The following SLC6A4 variants were observed in gnomAD, a reference collection of about 807,000 sequenced individuals.
SLC6A4 encodes solute carrier family 6 member 4.
SLC6A4 carries 22 observed loss-of-function variants against 73.4 expected under a neutral mutation model. That is an observed-to-expected ratio of 0.30 (90% confidence interval 0.21 to 0.43). The LOEUF (loss-of-function observed/expected upper bound fraction) is 0.43, where lower values mean the gene tolerates loss of function less well. Ranked by LOEUF, SLC6A4 falls within the 20% of genes least tolerant of loss-of-function variation. The probability of loss-of-function intolerance (pLI) is 1.00; values close to 1 mark genes in which losing one functional copy is unlikely to be tolerated. For synonymous variants in SLC6A4, 270 were observed against 315.5 expected (o/e 0.86, Z 1.53); for missense variants, 593 against 808.5 (o/e 0.73, Z 3.23).
At chr17:30,229,420 A>G (rs1907020567) in intron 1 of SLC6A4, among the ~76,000 whole-genome samples, 2 of 152,194 alleles carry the variant, frequency 1.3e-5, no homozygotes, top group African/African-American at 2.4e-5. Flanking sequence ...GCTGACAATG[A>G]GACTGATTCG....
intron 14 of SLC6A4, among the ~76,000 whole-genome samples, chr17:30,200,841 C>T (rs571862359): frequency 6.7e-4 from 102 of 152,136 alleles, no homozygotes; most frequent in African/African-American, 2.3e-3. Flanking sequence ...TGCAGTGGCT[C>T]GATGATCTCA....
rs1290163094 is a variant in SLC6A4 at position 30,216,232 on chromosome 17, G to A, written c.838-16C>T. The A allele has an allele frequency of 2.7e-6, 3 of 1,122,020 alleles. No homozygotes were observed. Among genetic ancestry groups the A allele is most frequent in the Admixed American group, 2.0e-5 (1 of 49,340 alleles). The allele number at this position is 1,122,020 out of a possible 1,614,324, so 69.5% of individuals were successfully genotyped here. A position where few individuals can be genotyped will look rare whatever the true frequency, so the allele number is the denominator to read the frequency against. ...CCCACACCACCTGTAAGGAAGAAGG[G>A]TTATCACCATGCTGTTCCAGGGAGG... On this transcript the variant is annotated splice_polypyrimidine_tract_variant and intron_variant, in intron 6 of 14. Coordinates refer to ENST00000650711, the MANE Select transcript of SLC6A4 (RefSeq NM_001045.6).
intron 4 of SLC6A4, 64 bp downstream of exon 4, chr17:30,218,733 C>T (rs753377967): frequency 9.6e-5 from 151 of 1,573,800 alleles, no homozygotes; most frequent in Admixed American, 1.7e-4. Flanking sequence ...CCAGCTCCCA[C>T]CCACTGATGG....
At chr17:30,215,400 C>T (rs1906539737) in intron 8 of SLC6A4, among the ~76,000 whole-genome samples, 1 of 152,086 alleles carries the variant, frequency 6.6e-6, no homozygotes, top group South Asian at 2.1e-4. Flanking sequence ...GGGCCCCTCT[C>T]AGCCTGAGTG....
In SLC6A4 at chr17:30,217,309, G is replaced by A; in HGVS notation, c.699-5C>T. On this transcript the variant is annotated splice_region_variant and splice_polypyrimidine_tract_variant and intron_variant, in intron 5 of 14. Coordinates refer to ENST00000650711, the MANE Select transcript of SLC6A4 (RefSeq NM_001045.6). ...TGGATCTGCAGGACGTGGCGCCTGG[G>A]GTGAAGGAGAAAGAAAGGCCCCTGA... 6.2e-7 allele frequency: 1 copy of A among 1,612,708 alleles called. No homozygotes were observed. The highest frequency in any genetic ancestry group is 1.1e-5 in the South Asian group (1 of 90,864).
At position 30,198,311 on chromosome 17, in the gene SLC6A4, C is replaced by CA. The variant is rs1905926079; in HGVS notation, c.*144dup. On this transcript the variant is annotated 3_prime_UTR_variant, in exon 15 of 15. Transcript: ENST00000650711. ...AGTGGCTGGAGGCCTTGAGTCTGGG[C>CA]ACCAGACTGTGTCCCTGTGGAGAAG... 2 of 569,128 alleles carry CA rather than the reference C, an allele frequency of 3.5e-6. No homozygotes were observed. The highest frequency in any genetic ancestry group is 3.8e-5 in the African/African-American group (2 of 52,162). 35.3% of individuals were successfully genotyped at this position (569,128 alleles called of 1,614,324 possible). A position where few individuals can be genotyped will look rare whatever the true frequency, so the allele number is the denominator to read the frequency against.
intron 1 of SLC6A4, among the ~76,000 whole-genome samples, chr17:30,233,747 G>A (rs201691046): frequency 6.6e-6 from 1 of 152,062 alleles, no homozygotes; most frequent in African/African-American, 2.4e-5. Flanking sequence ...TTTTGCTCTG[G>A]CTGTCCAGAC....
Position 30,218,841 on chromosome 17 carries a change from T to C in SLC6A4, c.434A>G (p.Asn145Ser), listed in dbSNP as rs770637680. 6.2e-7 allele frequency: 1 copy of C among 1,613,944 alleles called. No individual in the cohort carries two copies. Among genetic ancestry groups the C allele is most frequent in the East Asian group, 2.2e-5 (1 of 44,890 alleles). Residue 145 changes from asparagine (N) to serine (S), a missense_variant, in exon 4 of 15, where the codon AAT (asparagine) becomes AGT (serine). Physicochemically the swap from Asn to Ser is conservative, Grantham distance 46. Coordinates refer to ENST00000650711, the MANE Select transcript of SLC6A4 (RefSeq NM_001045.6). The part of the protein sequence containing the change: ...MELALGQYHR[N>S]GCISIWRKIC... Reference sequence around the variant, plus strand: ...TTTCCTCCATATTGAAATGCATCCATTTCGGTGGTACTGTCCCAGTGCGAG... The same window carrying C: ...TTTCCTCCATATTGAAATGCATCCACTTCGGTGGTACTGTCCCAGTGCGAG...
At position 30,210,563 on chromosome 17, in the gene SLC6A4, G is replaced by A. The variant is rs758767475; in HGVS notation, c.1401C>T (p.Leu467=). The change falls in exon 11 of 15, where the codon CTC becomes CTT. Residue 467 remains leucine, a synonymous_variant. Coordinates refer to ENST00000650711, the MANE Select transcript of SLC6A4 (RefSeq NM_001045.6). ...VWAKRRERFV[L]AVVITCFFGS... Reference sequence around the variant, plus strand: ...CAAAGAAGCAGGTGATGACCACGGCGAGCACGAACCGCTCCCGGCGCTTGG... The same window carrying A: ...CAAAGAAGCAGGTGATGACCACGGCAAGCACGAACCGCTCCCGGCGCTTGG... 51 of 1,613,788 alleles carry A rather than the reference G, an allele frequency of 3.2e-5. No homozygotes were observed. The highest frequency in any genetic ancestry group is 1.6e-4 in the Middle Eastern group (1 of 6,078).
intron 13 of SLC6A4, among the ~76,000 whole-genome samples, chr17:30,205,778 G>A (rs1906174634): frequency 6.6e-6 from 1 of 152,196 alleles, no homozygotes; most frequent in Non-Finnish European, 1.5e-5. Flanking sequence ...GACACATGCA[G>A]TGTCACAGAG....
chr17:30,200,287 G>A (rs1905992871), intron 14 of SLC6A4, among the ~76,000 whole-genome samples: 1 of 152,250 alleles, frequency 6.6e-6, no homozygotes, highest in African/African-American at 2.4e-5. Context: ...CTAGTTGCCA[G>A]GCTACCGTTG....
rs1439280324 is a variant in SLC6A4, at chr17:30,217,241, C to G, written c.762G>C (p.Gln254His). The change falls in exon 6 of 15, where the codon CAG becomes CAC. Residue 254 changes from glutamine (Q) to histidine (H), a missense_variant. Gln to His is a conservative substitution (Grantham distance 24). Coordinates refer to ENST00000650711, the MANE Select transcript of SLC6A4 (RefSeq NM_001045.6). The part of the protein sequence containing the change: ...GLQDLGGISW[Q>H]LALCIMLIFT... ...AGATCAGCATGATGCAGAGGGCCAG[C>G]TGCCAGCTGATGCCCCCCAGGTCCT... The G allele has an allele frequency of 3.1e-6, 5 of 1,614,138 alleles. No individual in the cohort carries two copies. Among genetic ancestry groups the G allele is most frequent in the Non-Finnish European group, 3.4e-6 (4 of 1,179,954 alleles).
intron 1 of SLC6A4, among the ~76,000 whole-genome samples, chr17:30,227,915 T>C (rs554975716): frequency 6.6e-6 from 1 of 152,364 alleles, no homozygotes; most frequent in East Asian, 1.9e-4. Context: ...AGCCCTGGGC[T>C]TCTCTCTACA....
Position 30,197,469 on chromosome 17 carries a change from G to C in SLC6A4, c.*987C>G, listed in dbSNP as rs2143012872. 6.6e-6 allele frequency: 1 copy of C among 152,534 alleles called. No individual in the cohort carries two copies. Among genetic ancestry groups the C allele is most frequent in the Admixed American group, 6.5e-5 (1 of 15,306 alleles). The allele number at this position is 152,534 out of a possible 1,614,324, so 9.4% of individuals were successfully genotyped here. A position where few individuals can be genotyped will look rare whatever the true frequency, so the allele number is the denominator to read the frequency against. On this transcript the variant is annotated 3_prime_UTR_variant, in exon 15 of 15. Transcript: ENST00000650711. ...CAGTCAAACTCAGTCACGTAAGGCA[G>C]ACAGAACTTAAACCAGAGGGCCAGG... is the stretch of plus-strand genomic sequence containing the variant.
rs75354642 is a variant in SLC6A4, at chr17:30,203,189, G to A, written c.1801C>T (p.Pro601Ser). The change falls in exon 14 of 15, where the codon CCA (proline) becomes TCA (serine). Residue 601 changes from proline (P) to serine (S), a missense_variant. Physicochemically the swap from Pro to Ser is moderately conservative, Grantham distance 74. Transcript: ENST00000650711. ...TYIAYRLIIT[P>S]GTFKERIIKS... ...GCACGTACCTCTTTAAATGTCCCTG[G>A]AGTGATGATCAACCGATAAGCTATA... 4.4e-5 allele frequency: 71 copies of A among 1,613,560 alleles called. No individual in the cohort carries two copies. Among genetic ancestry groups the A allele is most frequent in the Non-Finnish European group, 5.9e-5 (70 of 1,179,666 alleles).
intron 1 of SLC6A4, among the ~76,000 whole-genome samples, chr17:30,223,426 C>T (rs903338441): frequency 6.6e-6 from 1 of 152,082 alleles, no homozygotes; most frequent in East Asian, 1.9e-4. Context: ...AACTTAGCTA[C>T]CTACACATGT....
Position 30,207,742 on chromosome 17 carries a change from A to C in SLC6A4, c.1640T>G (p.Leu547Arg). The C allele has an allele frequency of 1.2e-6, 2 of 1,609,742 alleles. No individual in the cohort carries two copies. The highest frequency in any genetic ancestry group is 1.7e-6 in the Non-Finnish European group (2 of 1,175,972). Residue 547 changes from leucine to arginine, a missense_variant, in exon 13 of 15, where the codon CTG (leucine) becomes CGG (arginine). Coordinates refer to ENST00000650711, the MANE Select transcript of SLC6A4 (RefSeq NM_001045.6). ...GAAATGGCAACTCACCAGGAGAAAC[A>C]GAGGGCTGATGGCCACCCAGCAGAT... is the stretch of plus-strand genomic sequence containing the variant. ...WRICWVAISP[L>R]FLLFIICSFL...
chr17:30,227,286 T>C (rs939682741), intron 1 of SLC6A4, among the ~76,000 whole-genome samples: 1 of 152,126 alleles, frequency 6.6e-6, no homozygotes. Context: ...TAGGGACTCC[T>C]GCCTTGCCTT....
intron 13 of SLC6A4, among the ~76,000 whole-genome samples, chr17:30,204,997 C>T (rs1906146904): frequency 1.3e-5 from 2 of 152,158 alleles, no homozygotes; most frequent in Non-Finnish European, 2.9e-5. Flanking sequence ...TCAGGCACGA[C>T]ATTTCAGCAG....
Sources: allele counts gnomAD v4.1 joint callset (sites outside exome capture counted in the v4.1 genomes callset), GRCh38; gene constraint gnomAD v4.1.1; transcripts MANE v1.5; gene names NCBI Gene and HGNC (gene_info 2026-07-23, HGNC 2026-07-21).